TLN1: variants seen among roughly 807,000 people sequenced by gnomAD.
TLN1 encodes talin 1, also known as talin-1.
A neutral mutation model predicts 292.3 loss-of-function variants in TLN1; 56 were observed. The ratio of observed to expected loss-of-function variants is 0.19; its 90% CI spans 0.15 to 0.24. The LOEUF is 0.24. TLN1 is among the 10% of genes least tolerant of loss of function. TLN1 has a pLI of 1.00. For missense variants in TLN1, 2,433 were observed against 3,248.2 expected (o/e 0.75, Z 6.10); for synonymous variants, 1,119 against 1,253.7 (o/e 0.89, Z 2.27).
chr9:35,701,995 G>C (rs1479553621), intron 48 of TLN1, among the ~76,000 whole-genome samples: 2 of 152,196 alleles, frequency 1.3e-5, no homozygotes, highest in Admixed American at 1.3e-4. Context: ...AAGATGAGTA[G>C]GGAGAGAGGA....
rs1356715138 is a variant in TLN1 at position 35,729,356 on chromosome 9, C to T, written c.-34+2719G>A. Among the ~76,000 whole-genome samples, 4 of 152,246 alleles carry T rather than the reference C, an allele frequency of 2.6e-5. No individual in the cohort carries two copies. The East Asian group carries it at 7.7e-4, about 29-fold the overall frequency. The stretch of plus-strand genomic sequence containing the variant: ...GGAGAAGCAGTAAATCGTGGAGGAG[C>T]ATTCAGGGAAGTGAGCAGGCAGGCT... On this transcript the variant is annotated intron_variant, in intron 1 of 56. Coordinates refer to ENST00000314888, the MANE Select transcript of TLN1 (RefSeq NM_006289.4).
chr9:35,723,599 A>G (rs373091144), intron 7 of TLN1: 55 of 247,216 alleles, frequency 2.2e-4, no homozygotes, highest in African/African-American at 1.2e-3. Flanking sequence ...GCATTCCAAG[A>G]AACACCAGCA....
In TLN1 at chr9:35,707,712, G is replaced by A; in HGVS notation, c.4632+19C>T. 6.2e-7 allele frequency: 1 copy of A among 1,614,058 alleles called. No individual in the cohort carries two copies. On this transcript the variant is annotated intron_variant, in intron 35 of 56. Transcript: ENST00000314888. The surrounding 1 kb of genome is among the most constrained non-coding windows in gnomAD (Gnocchi z 5.6). ...ATAGGACAGGTCAGGGAGAGGCTGGGAATTCAAGCAATGGGAACCTTGATG... is the reference window on the plus strand; with the variant it reads ...ATAGGACAGGTCAGGGAGAGGCTGGAAATTCAAGCAATGGGAACCTTGATG...
At position 35,699,111 on chromosome 9, in the gene TLN1, T is replaced by C; in HGVS notation, c.6920A>G (p.Asn2307Ser). 6.2e-7 allele frequency: 1 copy of C among 1,613,888 alleles called. No individual in the cohort carries two copies. The highest frequency in any genetic ancestry group is 8.5e-7 in the Non-Finnish European group (1 of 1,179,890). The change falls in exon 52 of 57, where the codon AAT (asparagine) becomes AGT (serine). Residue 2307 changes from asparagine (N) to serine (S), a missense_variant. Asn to Ser is a conservative substitution (Grantham distance 46). Around this residue, in one of 7 missense-constraint regions of TLN1, gnomAD observed 1,384 missense variants for 1,699.6 expected, o/e 0.81. Coordinates refer to ENST00000314888, the MANE Select transcript of TLN1 (RefSeq NM_006289.4). The surrounding 1 kb of genome is among the most constrained non-coding windows in gnomAD (Gnocchi z 4.0). ...GGCGGCTGCAGCTCCCAGGAGCTCA[T>C]TCTCAGCAATGACTGTGGGGTCCTC... ...DPEDPTVIAE[N>S]ELLGAAAAIE...
chr9:35,712,963 G>C lies in TLN1; in HGVS notation c.3433C>G (p.Pro1145Ala), dbSNP rs755829722. Residue 1145 changes from proline to alanine, a missense_variant, in exon 27 of 57, where the codon CCT (proline) becomes GCT (alanine). Pro to Ala is a conservative substitution (Grantham distance 27, BLOSUM62 -1). Transcript: ENST00000314888. Reference protein sequence around the residue: ...ARGVAALTSDPAVQAIVLDTA... With the variant: ...ARGVAALTSDAAVQAIVLDTA... ...TCAAGTACAATGGCCTGCACTGCAG[G>C]ATCTGACGTCAGTGCAGCGACTCCC... The C allele has an allele frequency of 6.2e-7, 1 of 1,610,598 alleles. No individual in the cohort carries two copies. Among genetic ancestry groups the C allele is most frequent in the African/African-American group, 1.3e-5 (1 of 74,874 alleles).
At chr9:35,727,703 A>C (rs1351178067) in intron 1 of TLN1, among the ~76,000 whole-genome samples, 1 of 152,134 alleles carries the variant, frequency 6.6e-6, no homozygotes, top group Non-Finnish European at 1.5e-5. Context: ...AAGCTGGAGG[A>C]GTCTGTGGAG....
rs753147595 is a variant in TLN1 at position 35,724,195 on chromosome 9, C to T, written c.651G>A (p.Val217=). The change falls in exon 6 of 57, where the codon GTG becomes GTA. Residue 217 remains valine, a synonymous_variant. Transcript: ENST00000314888. The surrounding 1 kb of genome is among the most constrained non-coding windows in gnomAD (Gnocchi z 4.7). ...RDPVQLNLLY[V]QARDDILNGS... is the part of the protein sequence containing the mutation. ...CCCAGCCAAGTCCTCTGCATACCTG[C>T]ACATACAGGAGGTTCAGCTGTACAG... is the stretch of plus-strand genomic sequence containing the variant. 3 of 1,614,072 alleles carry T rather than the reference C, an allele frequency of 1.9e-6. No individual in the cohort carries two copies. Among genetic ancestry groups the T allele is most frequent in the Non-Finnish European group, 2.5e-6 (3 of 1,180,038 alleles).
Position 35,699,930 on chromosome 9 carries a change from A to G in TLN1, c.6768+44T>C. On this transcript the variant is annotated intron_variant, in intron 50 of 56. Coordinates refer to ENST00000314888, the MANE Select transcript of TLN1 (RefSeq NM_006289.4). This position sits in a 1 kb window ranked among gnomAD's most constrained non-coding sequence, Gnocchi z 4.0. ...GAGGCCTGCAGGAAGAGGGCTGTGT[A>G]TTCAGGGAGGCTGGTATGAGGAACA... The G allele has an allele frequency of 6.4e-7, 1 of 1,569,360 alleles. No individual in the cohort carries two copies. The highest frequency in any genetic ancestry group is 1.1e-5 in the South Asian group (1 of 87,534).
In TLN1 at chr9:35,722,173, G is replaced by A. The variant is rs76659027; in HGVS notation, c.894C>T (p.Tyr298=). 3,764 of 1,614,204 alleles carry A rather than the reference G, an allele frequency of 2.3e-3. 9 individuals are homozygous for A. Among genetic ancestry groups the A allele is most frequent in the Non-Finnish European group, 2.8e-3 (3,322 of 1,180,036 alleles). The part of the protein sequence containing the change: ...QMSEIEAKVR[Y]VKLARSLKTY... ...TCTTGAGAGAACGGGCTAGCTTCACGTAGCGGACCTTGGCCTCAATCTCAC... is the reference window on the plus strand; with the variant it reads ...TCTTGAGAGAACGGGCTAGCTTCACATAGCGGACCTTGGCCTCAATCTCAC... Residue 298 remains tyrosine (Y), a synonymous_variant, in exon 9 of 57, where the codon TAC becomes TAT. Coordinates refer to ENST00000314888, the MANE Select transcript of TLN1 (RefSeq NM_006289.4).
At position 35,698,332 on chromosome 9, in the gene TLN1, T is replaced by G. The variant is rs1217495611; in HGVS notation, c.7362A>C (p.Lys2454Asn). The part of the protein sequence containing the change: ...VKADQDSEAM[K>N]RLQAAGNAVK... ...GGGTCAGGGTTCTCACCTGAAGTCG[T>G]TTCATTGCCTCCGAGTCCTGGTCAG... The change falls in exon 55 of 57, where the codon AAA becomes AAC. Residue 2454 changes from lysine (K) to asparagine (N), a missense_variant. Physicochemically the swap from Lys to Asn is moderately conservative, Grantham distance 94. This residue lies in a region of TLN1 where 141 missense variants were observed against 248.5 expected (regional missense o/e 0.57). Transcript: ENST00000314888. The surrounding 1 kb of genome is among the most constrained non-coding windows in gnomAD (Gnocchi z 5.3). 1.2e-6 allele frequency: 2 copies of G among 1,613,958 alleles called. No homozygotes were observed. The highest frequency in any genetic ancestry group is 8.5e-7 in the Non-Finnish European group (1 of 1,179,986).
Position 35,706,338 on chromosome 9 carries a change from G to A in TLN1, c.5219C>T (p.Pro1740Leu), listed in dbSNP as rs1318847050. The change falls in exon 40 of 57, where the codon CCG (proline) becomes CTG (leucine). Residue 1740 changes from proline to leucine, a missense_variant. By Grantham distance (98) the Pro-to-Leu change is moderately conservative. Transcript: ENST00000314888. The surrounding 1 kb of genome is among the most constrained non-coding windows in gnomAD (Gnocchi z 4.2). ...AGCACCCACTGCAGCCAGGGTGAGC[G>A]GCTCAAAGTACTGCGCCATCTGGGA... ...KVSQMAQYFE[P>L]LTLAAVGAAS... The A allele has an allele frequency of 2.5e-6, 4 of 1,611,440 alleles. No individual in the cohort carries two copies. Among genetic ancestry groups the A allele is most frequent in the Non-Finnish European group, 3.4e-6 (4 of 1,178,612 alleles).
Position 35,705,617 on chromosome 9 carries a change from C to A in TLN1, c.5667G>T (p.Leu1889=). The change falls in exon 43 of 57, where the codon CTG becomes CTT. Residue 1889 remains leucine, a synonymous_variant. Transcript: ENST00000314888. ...PEELGPLANQ[L]TSDYGRLASE... is the part of the protein sequence containing the mutation. Reference sequence around the variant, plus strand: ...AGGCCAGACGGCCATAGTCACTGGTCAGCTGGTTAGCAAGAGGGCCCAGCT... The same window carrying A: ...AGGCCAGACGGCCATAGTCACTGGTAAGCTGGTTAGCAAGAGGGCCCAGCT... The A allele has an allele frequency of 6.2e-7, 1 of 1,608,464 alleles. No homozygotes were observed. The highest frequency in any genetic ancestry group is 1.1e-5 in the South Asian group (1 of 90,894).
At position 35,718,876 on chromosome 9, in the gene TLN1, A is replaced by C; in HGVS notation, c.1931T>G (p.Val644Gly). The C allele has an allele frequency of 6.2e-7, 1 of 1,613,518 alleles. No homozygotes were observed. Residue 644 changes from valine to glycine, a missense_variant, in exon 17 of 57, where the codon GTG (valine) becomes GGG (glycine). Transcript: ENST00000314888. ...RQNLLQAAGN[V>G]GQASGELLQQ... The stretch of plus-strand genomic sequence containing the variant: ...CAACAGCTCCCCACTGGCCTGGCCC[A>C]CGTTCCCAGCTGCTTGCAGCAGGTT...
intron 27 of TLN1, among the ~76,000 whole-genome samples, 183 bp downstream of exon 27, chr9:35,712,648 CAAAA>C (rs1282155556): frequency 1.4e-5 from 1 of 72,214 alleles, no homozygotes; most frequent in Admixed American, 1.5e-4. Context: ...AACTCTGTCT[CAAAA>C]AAAAAAAAAA....
Position 35,723,845 on chromosome 9 carries a change from G to A in TLN1, c.782+107C>T, listed in dbSNP as rs1825920436. On this transcript the variant is annotated intron_variant, in intron 7 of 56. Coordinates refer to ENST00000314888, the MANE Select transcript of TLN1 (RefSeq NM_006289.4). ...TATGTTGGTCAAACCCTGGTACCTC[G>A]GAAGAAGAAATAGTGGGGGGCAGGC... The A allele has an allele frequency of 1.0e-5, 16 of 1,538,156 alleles. No homozygotes were observed. In the Admixed American group the frequency reaches 1.5e-4, roughly 14 times the overall value.
chr9:35,711,296 A>C lies in TLN1; in HGVS notation c.3978T>G (p.Pro1326=). The C allele has an allele frequency of 6.2e-7, 1 of 1,614,190 alleles. No individual in the cohort carries two copies. The highest frequency in any genetic ancestry group is 1.1e-5 in the South Asian group (1 of 91,080). The change falls in exon 30 of 57, where the codon CCT becomes CCG. Residue 1326 remains proline (P), a synonymous_variant. Coordinates refer to ENST00000314888, the MANE Select transcript of TLN1 (RefSeq NM_006289.4). ...GCTGACTCTTGAGGTTAGGGGCAGCAGGGTCCGTGGACAGGGCCTTGGCAG... is the reference window on the plus strand; with the variant it reads ...GCTGACTCTTGAGGTTAGGGGCAGCCGGGTCCGTGGACAGGGCCTTGGCAG... ...LLAAKALSTD[P]AAPNLKSQLA... is the part of the protein sequence containing the mutation.
In TLN1 at chr9:35,719,912, A is replaced by G. The variant is rs1825851194; in HGVS notation, c.1465-59T>C. Reference sequence around the variant, plus strand: ...TGGATGTTTGGAGAAAAGAGAAGGTAAAAGAGAACCAGGGTCTAGGGAGAG... The same window carrying G: ...TGGATGTTTGGAGAAAAGAGAAGGTGAAAGAGAACCAGGGTCTAGGGAGAG... On this transcript the variant is annotated intron_variant, in intron 13 of 56. Coordinates refer to ENST00000314888, the MANE Select transcript of TLN1 (RefSeq NM_006289.4). The surrounding 1 kb of genome is among the most constrained non-coding windows in gnomAD (Gnocchi z 4.6). The G allele has an allele frequency of 1.3e-6, 2 of 1,571,666 alleles. No homozygotes were observed. Among genetic ancestry groups the G allele is most frequent in the African/African-American group, 2.7e-5 (2 of 74,010 alleles).
In TLN1 at chr9:35,707,462, C is replaced by T. The variant is rs1825586234; in HGVS notation, c.4659G>A (p.Glu1553=). 27 of 1,614,048 alleles carry T rather than the reference C, an allele frequency of 1.7e-5. No individual in the cohort carries two copies. Among genetic ancestry groups the T allele is most frequent in the Non-Finnish European group, 2.2e-5 (26 of 1,180,034 alleles). ...IKALDGAFTE[E]NRAQCRAATA... is the part of the protein sequence containing the mutation. ...TTGCTGCTCGGCACTGGGCACGGTTCTCCTCTGTGAAGGCCCCATCTAGCG... is the reference window on the plus strand; with the variant it reads ...TTGCTGCTCGGCACTGGGCACGGTTTTCCTCTGTGAAGGCCCCATCTAGCG... The change falls in exon 36 of 57, where the codon GAG becomes GAA. Residue 1553 remains glutamate (E), a synonymous_variant. Transcript: ENST00000314888. The surrounding 1 kb of genome is among the most constrained non-coding windows in gnomAD (Gnocchi z 5.6).
In TLN1 at chr9:35,724,333, C is replaced by T. The variant is rs779617473; in HGVS notation, c.513G>A (p.Leu171=). Residue 171 remains leucine, a splice_region_variant and synonymous_variant, in exon 6 of 57, where the codon TTG becomes TTA. Transcript: ENST00000314888. The surrounding 1 kb of genome is among the most constrained non-coding windows in gnomAD (Gnocchi z 4.7). ...GTGTCCGACCATGGTCCAGCCAGTT[C>T]ACTGGGATACAGACAGTCCCCTCAG... ...LKQKLHTDDE[L]NWLDHGRTLR... is the part of the protein sequence containing the mutation. The T allele has an allele frequency of 7.4e-6, 12 of 1,614,064 alleles. No individual in the cohort carries two copies. The highest frequency in any genetic ancestry group is 1.0e-5 in the Non-Finnish European group (12 of 1,180,044).
Sources: allele counts gnomAD v4.1 joint callset (sites outside exome capture counted in the v4.1 genomes callset), GRCh38; gene constraint gnomAD v4.1.1; regional missense constraint gnomAD v4.1.1; non-coding constraint Gnocchi (gnomAD v3.1); transcripts MANE v1.5; gene names NCBI Gene and HGNC (gene_info 2026-07-23, HGNC 2026-07-21).